TDRD5: variants seen among roughly 807,000 people sequenced by gnomAD.
TDRD5 encodes the protein tudor domain-containing protein 5.
Under a neutral mutation model 120.6 loss-of-function variants are expected in TDRD5, and 41 were observed. The ratio of observed to expected loss-of-function variants is 0.34; its 90% CI spans 0.26 to 0.44. The LOEUF is 0.44. Among genes scored for constraint, TDRD5 ranks in the 20% least tolerant of loss-of-function variants. The pLI is 1.00. For missense variants in TDRD5, 1,006 were observed against 1,221.2 expected (o/e 0.82, Z 2.63); for synonymous variants, 430 against 433.7 (o/e 0.99, Z 0.11).
At chr1:179,663,121 G>C (rs1679395868) in intron 15 of TDRD5, among the ~76,000 whole-genome samples, 1 of 152,180 alleles carries the variant, frequency 6.6e-6, no homozygotes, top group South Asian at 2.1e-4. Flanking sequence ...TTAAAGGAAA[G>C]ACTACAAACA....
intron 7 of TDRD5, among the ~76,000 whole-genome samples, chr1:179,634,221 TC>T (rs1160229796): frequency 1.3e-5 from 2 of 151,716 alleles, no homozygotes; most frequent in African/African-American, 4.8e-5. Flanking sequence ...CAAGCCTCCC[TC>T]CCCCTAGCAC....
chr1:179,675,269 TA>T (rs1265245096), intron 17 of TDRD5, among the ~76,000 whole-genome samples: 124 of 34,090 alleles, frequency 3.6e-3, no homozygotes, highest in Non-Finnish European at 6.4e-3. Context: ...TTATTATTAT[TA>T]TTATTTTTTT....
chr1:179,679,568 A>G (rs557594502), intron 17 of TDRD5, among the ~76,000 whole-genome samples: 2 of 152,222 alleles, frequency 1.3e-5, no homozygotes, highest in Admixed American at 6.5e-5. Context: ...TTGATGATCA[A>G]TTTCTTCTCA....
intron 2 of TDRD5, 59 bp downstream of exon 2, chr1:179,592,906 A>T (rs966785715): frequency 4.0e-6 from 6 of 1,508,024 alleles, no homozygotes; most frequent in Non-Finnish European, 5.5e-6. Context: ...TGCTTAGTAA[A>T]TAATTATTCT....
At chr1:179,642,499 G>C (rs1572387654) in intron 11 of TDRD5, among the ~76,000 whole-genome samples, 1 of 152,102 alleles carries the variant, frequency 6.6e-6, no homozygotes, top group Non-Finnish European at 1.5e-5. Context: ...TGTCCTTCTT[G>C]TCATTCAAAT....
At chr1:179,640,176 A>G (rs1677967445) in intron 10 of TDRD5, 125 bp downstream of exon 10, 1 of 1,152,098 alleles carries the variant, frequency 8.7e-7, no homozygotes. Context: ...CCTTCTTCTT[A>G]GTGCATATTT....
chr1:179,651,862 G>A (rs923507718), intron 12 of TDRD5, among the ~76,000 whole-genome samples, 177 bp from the exon 13 acceptor site: 2 of 152,142 alleles, frequency 1.3e-5, no homozygotes, highest in Admixed American at 6.5e-5. Flanking sequence ...GCAGTGAGCC[G>A]AGATTGGACC....
intron 12 of TDRD5, among the ~76,000 whole-genome samples, chr1:179,651,757 C>T (rs2102064358): frequency 6.6e-6 from 1 of 151,968 alleles, no homozygotes; most frequent in East Asian, 2.0e-4. Context: ...ACTAAAAATA[C>T]AAAAAATTAG....
At chr1:179,592,517 G>A in intron 1 of TDRD5, 85 bp from the exon 2 acceptor site, 1 of 1,096,854 alleles carries the variant, frequency 9.1e-7, no homozygotes, top group South Asian at 1.4e-5. Context: ...TGGAGTCTCA[G>A]TTATTTGTAT....
At chr1:179,650,400 CA>C (rs35053562) in intron 11 of TDRD5, among the ~76,000 whole-genome samples, 28,068 of 90,644 alleles carry the variant, frequency 0.31, 2,444 homozygotes, top group Admixed American at 0.39. Flanking sequence ...GACTCTGTCT[CA>C]AAAAAAAAAA....
intron 6 of TDRD5, among the ~76,000 whole-genome samples, chr1:179,625,934 A>G (rs988708895): frequency 3.3e-5 from 5 of 152,112 alleles, no homozygotes; most frequent in Admixed American, 3.3e-4. Context: ...TGAAATTGGA[A>G]ATCATCATTC....
At chr1:179,681,920 C>T (rs1312861627) in intron 17 of TDRD5, among the ~76,000 whole-genome samples, 1 of 24,108 alleles carries the variant, frequency 4.1e-5, no homozygotes, top group Non-Finnish European at 9.2e-5. Flanking sequence ...GTTTCTAATT[C>T]AGTGTGTTTT....
chr1:179,633,596 C>T (rs150784257), intron 7 of TDRD5, among the ~76,000 whole-genome samples: 2,078 of 151,756 alleles, frequency 0.014, 61 homozygotes, highest in African/African-American at 0.047. Flanking sequence ...GTGATCCACC[C>T]GCCTCGGCCT....
intron 5 of TDRD5, 77 bp downstream of exon 5, chr1:179,618,759 G>A (rs1338443876): frequency 4.7e-6 from 5 of 1,070,814 alleles, no homozygotes; most frequent in Middle Eastern, 3.0e-4. Flanking sequence ...GAGTTTGTCT[G>A]CAAGTATTAA....
At chr1:179,681,938 C>CT (rs796836225) in intron 17 of TDRD5, among the ~76,000 whole-genome samples, 25 of 14,196 alleles carry the variant, frequency 1.8e-3, no homozygotes, top group African/African-American at 4.2e-3. Context: ...TTTTCTTTTT[C>CT]TTTTTTTTTT....
intron 4 of TDRD5, among the ~76,000 whole-genome samples, chr1:179,604,397 G>T (rs1310423034): frequency 6.6e-6 from 1 of 151,686 alleles, no homozygotes; most frequent in Non-Finnish European, 1.5e-5. Flanking sequence ...TCTGATCTTG[G>T]TTATTTCCTT....
At chr1:179,612,722 G>A (rs186049924) in intron 4 of TDRD5, among the ~76,000 whole-genome samples, 2 of 152,096 alleles carry the variant, frequency 1.3e-5, no homozygotes, top group East Asian at 1.9e-4. Context: ...ATCATTTGAG[G>A]TCAGGAGTTC....
At chr1:179,637,377 T>TTTAGTA (rs1677817088) in intron 9 of TDRD5, among the ~76,000 whole-genome samples, 1 of 152,192 alleles carries the variant, frequency 6.6e-6, no homozygotes, top group Non-Finnish European at 1.5e-5. Context: ...AATGAGATAA[T>TTTAGTA]GATAGTACCT....
chr1:179,616,057 A>G (rs1676549834), intron 4 of TDRD5, among the ~76,000 whole-genome samples: 1 of 152,082 alleles, frequency 6.6e-6, no homozygotes, highest in South Asian at 2.1e-4. Flanking sequence ...GTCACAAATA[A>G]TACCTTTTCC....
Sources: gnomAD v4.1 joint callset for allele counts (sites outside exome capture counted in the v4.1 genomes callset) on GRCh38, gnomAD v4.1.1 for gene constraint, MANE v1.5 for transcripts, NCBI Gene and HGNC (gene_info 2026-07-23, HGNC 2026-07-21) for gene names.